KDM3A: variants seen among roughly 807,000 people sequenced by gnomAD.
The protein encoded by KDM3A is lysine demethylase 3A, also known as lysine-specific demethylase 3A.
KDM3A carries 60 observed loss-of-function variants against 158.0 expected under a neutral mutation model. The observed-to-expected ratio is 0.38, with a 90% CI of 0.31 to 0.47. The LOEUF (loss-of-function observed/expected upper bound fraction) is 0.47. KDM3A is among the 20% of genes least tolerant of loss of function. The probability of loss-of-function intolerance (pLI) is 0.99; values close to 1 mark genes in which losing one functional copy is unlikely to be tolerated. For missense variants in KDM3A, 1,319 were observed against 1,574.3 expected, an observed-to-expected ratio of 0.84 and a Z score of 2.74; for synonymous variants, 608 against 549.3, an observed-to-expected ratio of 1.11 and a Z score of -1.49.
chr2:86,478,631 G>A lies in KDM3A; in HGVS notation c.2212G>A (p.Val738Ile). ...GKALYDVGDIVHSVRAKWGIK... is the reference protein window; with the variant it reads ...GKALYDVGDIIHSVRAKWGIK... ...AGCACTCTATGATGTTGGAGACATT[G>A]TTCATTCTGTAAGAGCGAAATGGGG... The change falls in exon 15 of 26, where the codon GTT (valine) becomes ATT (isoleucine). Residue 738 changes from valine (V) to isoleucine (I), a missense_variant. Val to Ile is a conservative substitution (Grantham distance 29). Transcript: ENST00000312912. 6.2e-7 allele frequency: 1 copy of A among 1,614,062 alleles called. No individual in the cohort carries two copies. Among genetic ancestry groups the A allele is most frequent in the Non-Finnish European group, 8.5e-7 (1 of 1,179,934 alleles).
chr2:86,464,352 G>C lies in KDM3A; in HGVS notation c.1007+136G>C. 2 of 587,926 alleles carry C rather than the reference G, an allele frequency of 3.4e-6. 1 individual carries two copies. Among genetic ancestry groups the C allele is most frequent in the South Asian group, 6.4e-5 (2 of 31,490 alleles). 36.4% of individuals were successfully genotyped at this position (587,926 alleles called of 1,614,324 possible). The stretch of plus-strand genomic sequence containing the variant: ...TGAGAAAAGATGGATAGATGCTTTT[G>C]AAGGTGAAAAGTATAGAAGGCACAC... On this transcript the variant is annotated intron_variant, in intron 9 of 25. Coordinates refer to ENST00000312912, the MANE Select transcript of KDM3A (RefSeq NM_018433.6).
At chr2:86,466,920 A>G (rs1351629150) in intron 10 of KDM3A, 37 bp downstream of exon 10, 3 of 1,449,232 alleles carry the variant, frequency 2.1e-6, no homozygotes, top group East Asian at 4.6e-5. Flanking sequence ...GTAGAAGGTA[A>G]GAAATGGTAG....
intron 25 of KDM3A, chr2:86,491,527 C>A: frequency 2.1e-6 from 1 of 484,004 alleles, no homozygotes; most frequent in Non-Finnish European, 3.7e-6. Context: ...GGCCTTAGTA[C>A]TGAAAATGAA....
chr2:86,480,423 T>G (rs1317450241), intron 16 of KDM3A, 61 bp downstream of exon 16: 2 of 1,411,198 alleles, frequency 1.4e-6, no homozygotes, highest in African/African-American at 1.4e-5. Context: ...TGGAAGGACT[T>G]GAGAGAACAG....
chr2:86,456,651 T>C (rs1672712590), intron 6 of KDM3A, 85 bp downstream of exon 6: 1 of 1,352,156 alleles, frequency 7.4e-7, no homozygotes, highest in Non-Finnish European at 1.0e-6. Flanking sequence ...AGGCACTAAA[T>C]ACCTTTATTA....
intron 12 of KDM3A, among the ~76,000 whole-genome samples, chr2:86,476,644 C>T (rs1673671984): frequency 6.6e-6 from 1 of 152,130 alleles, no homozygotes; most frequent in African/African-American, 2.4e-5. Context: ...AAACAGGTGG[C>T]TAAGAGATCT....
chr2:86,483,900 C>A, intron 18 of KDM3A, 87 bp from the exon 19 acceptor site: 1 of 1,064,108 alleles, frequency 9.4e-7, no homozygotes, highest in Non-Finnish European at 1.4e-6. Context: ...TGGAAATATA[C>A]CAATAGCAGT....
At chr2:86,457,176 G>T (rs955423044) in intron 8 of KDM3A, 105 bp downstream of exon 8, 2 of 386,162 alleles carry the variant, frequency 5.2e-6, no homozygotes, top group African/African-American at 4.2e-5. Context: ...TTTTTTTAGA[G>T]ATAGGATCTC....
At chr2:86,449,242 A>T (rs12476666) in intron 2 of KDM3A, among the ~76,000 whole-genome samples, 124,422 of 152,230 alleles carry the variant, frequency 0.82, 51,606 homozygotes, top group East Asian at 0.96. Flanking sequence ...CAAGTAGTTT[A>T]AGACTCCAAA....
intron 5 of KDM3A, among the ~76,000 whole-genome samples, chr2:86,455,953 CAAAAAAAAA>C (rs574299612): frequency 1.8e-5 from 1 of 56,194 alleles, no homozygotes; most frequent in Non-Finnish European, 3.7e-5. Context: ...GACCCTGTCT[CAAAAAAAAA>C]AAAAAAAAAA....
chr2:86,453,930 T>C (rs1672579869), intron 4 of KDM3A, among the ~76,000 whole-genome samples: 1 of 152,234 alleles, frequency 6.6e-6, no homozygotes, highest in South Asian at 2.1e-4. Flanking sequence ...GTTTTTTCTT[T>C]GCCCTGCTAG....
At chr2:86,440,613 A>G (rs1192589856), upstream of KDM3A, 1 of 152,242 alleles carries the variant, frequency 6.6e-6, no homozygotes, top group Non-Finnish European at 1.5e-5. Flanking sequence ...CATTGTATTT[A>G]AAGGTCTCTT....
At position 86,451,154 on chromosome 2, in the gene KDM3A, C is replaced by T. The variant is rs766719966; in HGVS notation, c.394C>T (p.Arg132Cys). The T allele has an allele frequency of 1.8e-5, 29 of 1,612,090 alleles. No homozygotes were observed. Among genetic ancestry groups the T allele is most frequent in the African/African-American group, 2.7e-5 (2 of 74,806 alleles). The change falls in exon 4 of 26, where the codon CGC (arginine) becomes TGC (cysteine). Residue 132 changes from arginine to cysteine, a missense_variant. Coordinates refer to ENST00000312912, the MANE Select transcript of KDM3A (RefSeq NM_018433.6). Reference protein sequence around the residue: ...KAGLGSITSVRFLGDQQRVFL... With the variant: ...KAGLGSITSVCFLGDQQRVFL... ...TGGTTTGGGATCCATAACTTCTGTT[C>T]GCTTTCTGGGAGATCAACAAAGAGT... is the stretch of plus-strand genomic sequence containing the variant.
chr2:86,477,209 T>G (rs755404377), intron 12 of KDM3A, among the ~76,000 whole-genome samples: 10 of 152,188 alleles, frequency 6.6e-5, no homozygotes, highest in Non-Finnish European at 1.5e-4. Flanking sequence ...CTGCTGGATG[T>G]TTGGTTAGTG....
intron 8 of KDM3A, among the ~76,000 whole-genome samples, chr2:86,457,823 T>G (rs1326633679): frequency 6.6e-6 from 1 of 152,208 alleles, no homozygotes. Context: ...CATTACTAAT[T>G]TCTGTCCAGA....
chr2:86,453,084 G>A (rs150428937), intron 4 of KDM3A, among the ~76,000 whole-genome samples: 1 of 152,142 alleles, frequency 6.6e-6, no homozygotes, highest in Non-Finnish European at 1.5e-5. Flanking sequence ...TGTATTTAAG[G>A]TTTTCAATTA....
At chr2:86,491,110 T>G in intron 24 of KDM3A, 31 bp from the exon 25 acceptor site, 2 of 1,613,366 alleles carry the variant, frequency 1.2e-6, no homozygotes, top group Non-Finnish European at 1.7e-6. Flanking sequence ...CTTTTGGGTT[T>G]GTTACTGATA....
Position 86,478,667 on chromosome 2 carries a change from A to T in KDM3A, c.2248A>T (p.Asn750Tyr). ...SVRAKWGIKANCPCSNRQFKL... is the reference protein window; with the variant it reads ...SVRAKWGIKAYCPCSNRQFKL... ...AAGAGCGAAATGGGGAATAAAGGCA[A>T]ACTGCCCTTGTTCAAACAGGCAATT... is the stretch of plus-strand genomic sequence containing the variant. The change falls in exon 15 of 26, where the codon AAC becomes TAC. Residue 750 changes from asparagine (N) to tyrosine (Y), a missense_variant. This residue lies in a region of KDM3A where 368 missense variants were observed against 415.8 expected (regional missense o/e 0.89). Transcript: ENST00000312912. The T allele has an allele frequency of 1.2e-6, 2 of 1,613,716 alleles. No homozygotes were observed. Among genetic ancestry groups the T allele is most frequent in the Non-Finnish European group, 1.7e-6 (2 of 1,179,600 alleles).
At chr2:86,450,495 T>G (rs927736934) in intron 3 of KDM3A, among the ~76,000 whole-genome samples, 1 of 152,172 alleles carries the variant, frequency 6.6e-6, no homozygotes, top group African/African-American at 2.4e-5. Flanking sequence ...ATACTATAAG[T>G]CAGTATATGA....
Sources: gnomAD v4.1 joint callset for allele counts (sites outside exome capture counted in the v4.1 genomes callset) on GRCh38, gnomAD v4.1.1 for gene constraint, gnomAD v4.1.1 regional missense constraint, MANE v1.5 for transcripts, NCBI Gene and HGNC (gene_info 2026-07-23, HGNC 2026-07-21) for gene names.